P3H4: variants seen among roughly 807,000 people sequenced by gnomAD.
P3H4 encodes the protein prolyl 3-hydroxylase family member 4 (inactive).
A neutral mutation model predicts 52.9 loss-of-function variants in P3H4; 47 were observed. That is an observed-to-expected ratio of 0.89 (90% CI 0.70 to 1.13). The LOEUF (loss-of-function observed/expected upper bound fraction) is 1.13. Among genes scored for constraint, P3H4 ranks in the 50% most tolerant of loss-of-function variants. P3H4 has a pLI of 0.00. For synonymous variants in P3H4, 256 were observed against 267.9 expected, an observed-to-expected ratio of 0.96 and a Z score of 0.44; for missense variants, 585 against 611.0, an observed-to-expected ratio of 0.96 and a Z score of 0.45.
In P3H4 at chr17:41,809,792, G is replaced by C. The variant is rs538541786; in HGVS notation, c.830C>G (p.Ala277Gly). 3 of 1,613,890 alleles carry C rather than the reference G, an allele frequency of 1.9e-6. No individual in the cohort carries two copies. Among genetic ancestry groups the C allele is most frequent in the Non-Finnish European group, 2.5e-6 (3 of 1,179,964 alleles). The change falls in exon 4 of 8, where the codon GCC becomes GGC. Residue 277 changes from alanine to glycine, a missense_variant. Transcript: ENST00000393928. ...GCCACCCACATTGGGGGTCAAATTG[G>C]CCTCACAGTCCACCTTGCACTGCAG... The part of the protein sequence containing the change: ...ESLQCKVDCE[A>G]NLTPNVGGYF...
In P3H4 at chr17:41,809,834, T is replaced by A; in HGVS notation, c.788A>T (p.Asp263Val). ...DFKDFYPAIA[D>V]LFAESLQCKV... ...GCACTGCAGGGACTCTGCAAAGAGA[T>A]CTGAGGGTGGGAGGCAGCAGTGAGA... The change falls in exon 4 of 8, where the codon GAT becomes GTT. Residue 263 changes from aspartate (D) to valine (V), a missense_variant and splice_region_variant. Physicochemically the swap from Asp to Val is radical, Grantham distance 152. Transcript: ENST00000393928. 6.2e-7 allele frequency: 1 copy of A among 1,609,874 alleles called. No homozygotes were observed. The highest frequency in any genetic ancestry group is 2.2e-5 in the East Asian group (1 of 44,746).
chr17:41,806,754 G>T, intron 6 of P3H4, 42 bp downstream of exon 6: 1 of 1,544,702 alleles, frequency 6.5e-7, no homozygotes, highest in Non-Finnish European at 8.9e-7. Context: ...GGTCCAAGGT[G>T]TCCCCATCAC....
At position 41,803,462 on chromosome 17, in the gene P3H4, CGGGTCACAGT is replaced by C. The variant is rs782196671; in HGVS notation, c.1147-41_1147-32del. ...GTAGCGCCACGGTTGTGGGAGAAAC[CGGGTCACAGT>C]ACGCCCAAACCCATATGGGCTCCCT... On this transcript the variant is annotated intron_variant, in intron 6 of 7. Transcript: ENST00000393928. 6 of 1,609,276 alleles carry C rather than the reference CGGGTCACAGT, an allele frequency of 3.7e-6. No homozygotes were observed. The African/African-American group carries it at 8.0e-5, about 22-fold the overall frequency.
At chr17:41,808,156 T>C in intron 4 of P3H4, 152 bp from the exon 5 acceptor site, 1 of 921,226 alleles carries the variant, frequency 1.1e-6, no homozygotes, top group Non-Finnish European at 1.6e-6. Flanking sequence ...CCAGCTAGCA[T>C]GTAGTGGGCA....
In P3H4 at chr17:41,802,791, A is replaced by G. The variant is rs2047631350; in HGVS notation, c.*166T>C. 1 of 656,600 alleles carries G rather than the reference A, an allele frequency of 1.5e-6. No individual in the cohort carries two copies. 40.7% of individuals were successfully genotyped at this position (656,600 alleles called of 1,614,324 possible). On this transcript the variant is annotated 3_prime_UTR_variant, in exon 8 of 8. Transcript: ENST00000393928. ...GGTCTTGAACTCCTGGCCTCAAGTG[A>G]TCCACCCACCTTGGCCTCCCAAAAT...
At position 41,811,341 on chromosome 17, in the gene P3H4, C is replaced by G. The variant is rs941426579; in HGVS notation, c.463-57G>C. ...TCAGCAAGACCGGAGCTCGCGGCCC[C>G]GAGCGCACGGCGGGCTTCGTGCCTT... On this transcript the variant is annotated intron_variant, in intron 1 of 7. Coordinates refer to ENST00000393928, the MANE Select transcript of P3H4 (RefSeq NM_006455.3). The surrounding 1 kb of genome is among the most constrained non-coding windows in gnomAD (Gnocchi z 4.8). 2.6e-5 allele frequency: 42 copies of G among 1,608,300 alleles called. No individual in the cohort carries two copies. The highest frequency in any genetic ancestry group is 6.7e-5 in the Admixed American group (4 of 59,874).
chr17:41,809,457 T>C (rs2047706350), intron 4 of P3H4, among the ~76,000 whole-genome samples: 2 of 152,256 alleles, frequency 1.3e-5, no homozygotes, highest in South Asian at 4.2e-4. Flanking sequence ...TTGTTGGTTG[T>C]CTAGTCATTT....
chr17:41,806,245 A>G (rs2047673571), intron 6 of P3H4, among the ~76,000 whole-genome samples: 1 of 152,022 alleles, frequency 6.6e-6, no homozygotes, highest in African/African-American at 2.4e-5. Context: ...TAAATAAATA[A>G]AATAAATCAA....
rs1555615092 is a variant in P3H4, at chr17:41,811,304, T to A, written c.463-20A>T. 2.5e-6 allele frequency: 4 copies of A among 1,608,584 alleles called. No homozygotes were observed. The highest frequency in any genetic ancestry group is 3.4e-6 in the Non-Finnish European group (4 of 1,178,406). Reference sequence around the variant, plus strand: ...GTTAGCCTGGTCGGGGGGTAGGGGGTGGGGGAGCGGGTCAGCAAGACCGGA... The same window carrying A: ...GTTAGCCTGGTCGGGGGGTAGGGGGAGGGGGAGCGGGTCAGCAAGACCGGA... On this transcript the variant is annotated intron_variant, in intron 1 of 7. Transcript: ENST00000393928. The surrounding 1 kb of genome is among the most constrained non-coding windows in gnomAD (Gnocchi z 4.8).
chr17:41,810,882 G>C lies in P3H4; in HGVS notation c.768C>G (p.Asp256Glu), dbSNP rs144511130. 1 of 1,613,880 alleles carries C rather than the reference G, an allele frequency of 6.2e-7. No individual in the cohort carries two copies. Among genetic ancestry groups the C allele is most frequent in the Non-Finnish European group, 8.5e-7 (1 of 1,179,850 alleles). Residue 256 changes from aspartate (D) to glutamate (E), a missense_variant, in exon 3 of 8, where the codon GAC becomes GAG. Asp to Glu is a conservative substitution (Grantham distance 45, BLOSUM62 2). Transcript: ENST00000393928. ...AGATACCTGCTATGGCCGGGTAGAA[G>C]TCCTTGAAGTCCACCTGCTCATGGG... ...EGAHEQVDFK[D>E]FYPAIADLFA... is the part of the protein sequence containing the mutation.
At chr17:41,809,569 C>T in intron 4 of P3H4, 137 bp downstream of exon 4, 1 of 1,035,738 alleles carries the variant, frequency 9.7e-7, no homozygotes, top group Non-Finnish European at 1.4e-6. Context: ...ATATTCCCAC[C>T]ACCCCTAGAC....
chr17:41,811,647 T>C lies in P3H4; in HGVS notation c.269A>G (p.Asp90Gly). The change falls in exon 1 of 8, where the codon GAT (aspartate) becomes GGT (glycine). Residue 90 changes from aspartate to glycine, a missense_variant. By Grantham distance (94) the Asp-to-Gly change is moderately conservative. Transcript: ENST00000393928. This position sits in a 1 kb window ranked among gnomAD's most constrained non-coding sequence, Gnocchi z 4.8. ...CSGPAPAAKPDPDGGRADEWA... is the reference protein window; with the variant it reads ...CSGPAPAAKPGPDGGRADEWA... ...CTCGTCTGCGCGGCCGCCGTCGGGA[T>C]CGGGCTTGGCCGCGGGCGCGGGGCC... 6.9e-7 allele frequency: 1 copy of C among 1,449,682 alleles called. No homozygotes were observed. Among genetic ancestry groups the C allele is most frequent in the South Asian group, 1.4e-5 (1 of 69,192 alleles). 89.8% of individuals were successfully genotyped at this position (1,449,682 alleles called of 1,614,324 possible).
intron 6 of P3H4, 138 bp from the exon 7 acceptor site, chr17:41,803,569 T>A: frequency 1.3e-6 from 1 of 748,604 alleles, no homozygotes; most frequent in Non-Finnish European, 2.1e-6. Context: ...TCTCAAGATC[T>A]AATGAGACAG....
rs781861931 is a variant in P3H4 at position 41,807,954 on chromosome 17, C to T, written c.967G>A (p.Asp323Asn). 19 of 1,614,120 alleles carry T rather than the reference C, an allele frequency of 1.2e-5. No homozygotes were observed. The highest frequency in any genetic ancestry group is 2.2e-5 in the East Asian group (1 of 44,882). ...TGCTGCATGACGCTGTCCTTGGGGT[C>T]GAAGAGCATGTAGCTGGCGGCGCTG... ...ARSAASYMLF[D>N]PKDSVMQQNL... Residue 323 changes from aspartate (D) to asparagine (N), a missense_variant, in exon 5 of 8, where the codon GAC becomes AAC. Asp to Asn is a conservative substitution (Grantham distance 23). Coordinates refer to ENST00000393928, the MANE Select transcript of P3H4 (RefSeq NM_006455.3).
intron 5 of P3H4, chr17:41,807,177 T>G: frequency 2.3e-6 from 1 of 436,196 alleles, no homozygotes; most frequent in South Asian, 2.6e-5. Flanking sequence ...CTCCAACAGA[T>G]TTCCTCCATT....
chr17:41,802,837 C>A lies in P3H4; in HGVS notation c.*120G>T. The A allele has an allele frequency of 9.5e-7, 1 of 1,055,610 alleles. No individual in the cohort carries two copies. Among genetic ancestry groups the A allele is most frequent in the East Asian group, 2.5e-5 (1 of 40,580 alleles). 65.4% of individuals were successfully genotyped at this position (1,055,610 alleles called of 1,614,324 possible). A position where few individuals can be genotyped will look rare whatever the true frequency, so the allele number is the denominator to read the frequency against. On this transcript the variant is annotated 3_prime_UTR_variant, in exon 8 of 8. Coordinates refer to ENST00000393928, the MANE Select transcript of P3H4 (RefSeq NM_006455.3). ...AAAATGCTGGGATTACAGGTGTGAG[C>A]CACCGCACCTGGCCCATCTTAAGTT...
Position 41,811,598 on chromosome 17 carries a change from G to T in P3H4, c.318C>A (p.Phe106Leu). 6.4e-7 allele frequency: 1 copy of T among 1,570,986 alleles called. No individual in the cohort carries two copies. The highest frequency in any genetic ancestry group is 8.6e-7 in the Non-Finnish European group (1 of 1,162,410). The change falls in exon 1 of 8, where the codon TTC becomes TTA. Residue 106 changes from phenylalanine (F) to leucine (L), a missense_variant. Phe to Leu is a conservative substitution (Grantham distance 22). Transcript: ENST00000393928. This position sits in a 1 kb window ranked among gnomAD's most constrained non-coding sequence, Gnocchi z 4.8. ...ADEWACELRL[F>L]GRVLERAACL... ...AGGCGGCTCGCTCCAGGACGCGGCC[G>T]AAGAGCCGCAGCTCGCAGGCCCACT... is the stretch of plus-strand genomic sequence containing the variant.
intron 6 of P3H4, 130 bp from the exon 7 acceptor site, chr17:41,803,561 T>G: frequency 1.3e-6 from 1 of 794,454 alleles, no homozygotes; most frequent in Admixed American, 2.8e-5. Context: ...CTCCCCAGTC[T>G]CAAGATCTAA....
In P3H4 at chr17:41,811,219, C is replaced by G. The variant is rs2047730534; in HGVS notation, c.528G>C (p.Glu176Asp). 3 of 1,614,122 alleles carry G rather than the reference C, an allele frequency of 1.9e-6. No homozygotes were observed. The highest frequency in any genetic ancestry group is 2.5e-6 in the Non-Finnish European group (3 of 1,180,044). The change falls in exon 2 of 8, where the codon GAG becomes GAC. Residue 176 changes from glutamate to aspartate, a missense_variant. Physicochemically the swap from Glu to Asp is conservative, Grantham distance 45. Transcript: ENST00000393928. This position sits in a 1 kb window ranked among gnomAD's most constrained non-coding sequence, Gnocchi z 4.8. ...YTFLQRNPKH[E>D]LTAKYLNYYQ... Reference sequence around the variant, plus strand: ...AGTAGTTGAGATACTTGGCGGTCAGCTCGTGCTTCGGGTTCCTCTGGAGGA... The same window carrying G: ...AGTAGTTGAGATACTTGGCGGTCAGGTCGTGCTTCGGGTTCCTCTGGAGGA...
Sources: gnomAD v4.1 joint callset for allele counts (sites outside exome capture counted in the v4.1 genomes callset) on GRCh38, gnomAD v4.1.1 for gene constraint, Gnocchi (gnomAD v3.1) non-coding constraint, MANE v1.5 for transcripts, NCBI Gene and HGNC (gene_info 2026-07-23, HGNC 2026-07-21) for gene names.